Variants in ZFHX3 observed in about 807,000 individuals in gnomAD.
ZFHX3 encodes the protein zinc finger homeobox protein 3.
A neutral mutation model predicts 279.1 loss-of-function variants in ZFHX3; 42 were observed. That is an observed-to-expected ratio of 0.15 (90% CI 0.12 to 0.19). The LOEUF (loss-of-function observed/expected upper bound fraction) is 0.19. Ranked by LOEUF, ZFHX3 falls within the 10% of genes least tolerant of loss-of-function variation. ZFHX3 has a pLI of 1.00. For synonymous variants in ZFHX3, 2,293 were observed against 1,957.8 expected, an observed-to-expected ratio of 1.17 and a Z score of -4.52; for missense variants, 4,981 against 4,754.0, an observed-to-expected ratio of 1.05 and a Z score of -1.40.
At position 72,793,417 on chromosome 16, in the gene ZFHX3, C is replaced by T. The variant is rs371948268; in HGVS notation, c.9265G>A (p.Glu3089Lys). ...TGCTGAGCTGCCAGTCCAAGGACCT[C>T]GTTGGCCTTTTTAATCCGGTCCAAC... is the stretch of plus-strand genomic sequence containing the variant. Reference protein sequence around the residue: ...QELDRIKKANEVLGLAAQQQG... With the variant: ...QELDRIKKANKVLGLAAQQQG... Residue 3089 changes from glutamate (E) to lysine (K), a missense_variant, in exon 9 of 10, where the codon GAG becomes AAG. This residue lies in a region of ZFHX3 where 168 missense variants were observed against 249.1 expected (regional missense o/e 0.67). Transcript: ENST00000268489. The surrounding 1 kb of genome is among the most constrained non-coding windows in gnomAD (Gnocchi z 4.3). 25 of 1,614,088 alleles carry T rather than the reference C, an allele frequency of 1.5e-5. No individual in the cohort carries two copies. In the African/African-American group the frequency reaches 1.6e-4, roughly 10 times the overall value.
At chr16:73,211,372 G>C (rs1198689396) in intron 5 of ZFHX3, among the ~76,000 whole-genome samples, 3 of 152,050 alleles carry the variant, frequency 2.0e-5, no homozygotes, top group Non-Finnish European at 4.4e-5. Context: ...ATTATTAAGA[G>C]GTTATATGCT....
chr16:73,570,677 T>C (rs1315679322), intron 2 of ZFHX3, among the ~76,000 whole-genome samples: 1 of 152,180 alleles, frequency 6.6e-6, no homozygotes, highest in Non-Finnish European at 1.5e-5. Context: ...TTTATTTCAA[T>C]AGGGGATTGG....
chr16:73,448,688 GTGTGT>G (rs2018231702), intron 3 of ZFHX3, among the ~76,000 whole-genome samples: 1 of 139,798 alleles, frequency 7.2e-6, no homozygotes, highest in African/African-American at 3.1e-5. Context: ...TTATATACGT[GTGTGT>G]GTGTGTGTGT....
At chr16:72,891,643 G>T (rs1208848546) in intron 3 of ZFHX3, among the ~76,000 whole-genome samples, 1 of 152,164 alleles carries the variant, frequency 6.6e-6, no homozygotes, top group East Asian at 1.9e-4. Context: ...AGTTAGTTAG[G>T]GGGAGAGAGA....
rs769638946 is a variant in ZFHX3 at position 73,424,642 on chromosome 16, C to T, written c.-1291+31361G>A. ...GGTGGTCCATGCTTATAGTCTCAGCCGCTTGGGAGGCTGAGATGGGAGGAG... is the reference window on the plus strand; with the variant it reads ...GGTGGTCCATGCTTATAGTCTCAGCTGCTTGGGAGGCTGAGATGGGAGGAG... On this transcript the variant is annotated intron_variant, in intron 3 of 17. Coordinates refer to the ZFHX3 transcript ENST00000641206. Among the ~76,000 whole-genome samples the T allele has an allele frequency of 8.6e-5, 13 of 150,362 alleles. No individual in the cohort carries two copies. In the East Asian group the frequency reaches 1.2e-3, roughly 14 times the overall value.
chr16:73,758,029 C>T (rs544612180), intron 1 of ZFHX3, among the ~76,000 whole-genome samples: 9 of 152,314 alleles, frequency 5.9e-5, no homozygotes, highest in African/African-American at 1.9e-4. Context: ...CATACACTCT[C>T]AGGATTGGCA....
At chr16:73,417,768 C>T (rs1160004137) in intron 3 of ZFHX3, among the ~76,000 whole-genome samples, 3 of 151,046 alleles carry the variant, frequency 2.0e-5, no homozygotes, top group Non-Finnish European at 4.4e-5. Flanking sequence ...GTTGGGATAT[C>T]GAGACCATCC....
chr16:73,571,688 C>T (rs2051737958), intron 2 of ZFHX3, among the ~76,000 whole-genome samples: 1 of 152,096 alleles, frequency 6.6e-6, no homozygotes, highest in Non-Finnish European at 1.5e-5. Context: ...ACATTTCCTT[C>T]CCACACATTG....
chr16:72,850,539 G>A (rs1017081705), intron 4 of ZFHX3, among the ~76,000 whole-genome samples: 3 of 152,186 alleles, frequency 2.0e-5, no homozygotes, highest in African/African-American at 2.4e-5. Context: ...GATTAGAGGA[G>A]GCTCAAGGAA....
chr16:73,489,969 A>G (rs560199949), intron 2 of ZFHX3, among the ~76,000 whole-genome samples: 1 of 152,358 alleles, frequency 6.6e-6, no homozygotes, highest in East Asian at 1.9e-4. Context: ...CATTCATGCT[A>G]TATAAATATG....
chr16:73,251,864 G>C (rs537666475), intron 5 of ZFHX3, among the ~76,000 whole-genome samples: 1 of 102,170 alleles, frequency 9.8e-6, no homozygotes, highest in East Asian at 2.8e-4. Context: ...CCGCACACAC[G>C]CACACACCAT....
intron 5 of ZFHX3, among the ~76,000 whole-genome samples, chr16:73,249,257 T>G (rs1431793943): frequency 6.6e-6 from 1 of 152,180 alleles, no homozygotes; most frequent in African/African-American, 2.4e-5. Flanking sequence ...TGAAGCCATT[T>G]GCAAAAAGAG....
intron 2 of ZFHX3, among the ~76,000 whole-genome samples, chr16:73,531,636 G>A (rs1047966157): frequency 3.4e-5 from 5 of 145,654 alleles, no homozygotes; most frequent in Admixed American, 2.9e-4. Context: ...GATGGCTTGA[G>A]CCCATGAGCT....
At chr16:73,431,340 G>A (rs926597440) in intron 3 of ZFHX3, among the ~76,000 whole-genome samples, 2 of 152,004 alleles carry the variant, frequency 1.3e-5, no homozygotes, top group Admixed American at 6.5e-5. Context: ...GGGAGTTCAA[G>A]ACCAGCACGA....
rs111829040 is a variant in ZFHX3, at chr16:73,713,580, A to C, written c.-1607-33340T>G. On this transcript the variant is annotated intron_variant, in intron 1 of 17. Coordinates refer to the ZFHX3 transcript ENST00000641206. ...GACAGCTTTCAAAGTACCCGCAGCC[A>C]ACGGCAGCCAAACAGCACTTTACAG... Among the ~76,000 whole-genome samples the C allele has an allele frequency of 2.9e-3, 444 of 152,248 alleles. 1 individual carries two copies. Among genetic ancestry groups the C allele is most frequent in the African/African-American group, 0.01 (418 of 41,530 alleles).
chr16:73,549,711 C>T lies in ZFHX3; in HGVS notation c.-1546-93453G>A, dbSNP rs182352431. Among the ~76,000 whole-genome samples the T allele has an allele frequency of 3.9e-3, 589 of 152,272 alleles. 3 individuals are homozygous for T. Among genetic ancestry groups the T allele is most frequent in the Middle Eastern group, 6.8e-3 (2 of 292 alleles). On this transcript the variant is annotated intron_variant, in intron 2 of 17. Coordinates refer to the ZFHX3 transcript ENST00000641206. Reference sequence around the variant, plus strand: ...TCCCAGTCCAAACACAGAAAATGCCCCGGGTCTCCTTAACACCTCCAAAGC... The same window carrying T: ...TCCCAGTCCAAACACAGAAAATGCCTCGGGTCTCCTTAACACCTCCAAAGC...
intron 4 of ZFHX3, among the ~76,000 whole-genome samples, chr16:72,858,741 G>A (rs1472721713): frequency 6.6e-6 from 1 of 152,250 alleles, no homozygotes; most frequent in African/African-American, 2.4e-5. Context: ...TTTGTGCAGA[G>A]GGAGGAAGAG....
chr16:73,055,694 G>GCACACACACA (rs753027373), intron 1 of ZFHX3, among the ~76,000 whole-genome samples: 10,559 of 137,692 alleles, frequency 0.077, 597 homozygotes, highest in East Asian at 0.33. Context: ...GCGCGCGCGC[G>GCACACACACA]CGCGCACACA....
chr16:73,453,635 T>G (rs1006901437), intron 3 of ZFHX3, among the ~76,000 whole-genome samples: 1 of 152,196 alleles, frequency 6.6e-6, no homozygotes, highest in African/African-American at 2.4e-5. Flanking sequence ...GGATTCCATA[T>G]GGAAAAGCAA....
Sources: allele counts gnomAD v4.1 joint callset (sites outside exome capture counted in the v4.1 genomes callset), GRCh38; gene constraint gnomAD v4.1.1; regional missense constraint gnomAD v4.1.1; non-coding constraint Gnocchi (gnomAD v3.1); transcripts MANE v1.5; gene names NCBI Gene and HGNC (gene_info 2026-07-23, HGNC 2026-07-21).